ARHGEF3: variants seen among roughly 807,000 people sequenced by gnomAD.
The protein encoded by ARHGEF3 is Rho guanine nucleotide exchange factor 3.
ARHGEF3 carries 28 observed loss-of-function variants against 63.2 expected under a neutral mutation model. The observed-to-expected ratio is 0.44, with a 90% CI of 0.33 to 0.61. The LOEUF is 0.61. Ranked by LOEUF, ARHGEF3 falls within the 20% of genes least tolerant of loss-of-function variation. The pLI is 0.03. For missense variants in ARHGEF3, 533 were observed against 659.3 expected (o/e 0.81, Z 2.10); for synonymous variants, 266 against 254.2 (o/e 1.05, Z -0.44).
chr3:56,815,327 G>A (rs1012019881), intron 4 of ARHGEF3, among the ~76,000 whole-genome samples: 1 of 152,122 alleles, frequency 6.6e-6, no homozygotes, highest in African/African-American at 2.4e-5. Context: ...AGACTGAAGT[G>A]TATATGGAGT....
chr3:56,734,954 G>T (rs1431246802), intron 8 of ARHGEF3, among the ~76,000 whole-genome samples: 1 of 152,064 alleles, frequency 6.6e-6, no homozygotes, highest in African/African-American at 2.4e-5. Flanking sequence ...CAATCTTCTA[G>T]CCAAGGTGGG....
intron 2 of ARHGEF3, among the ~76,000 whole-genome samples, chr3:56,991,768 C>T (rs1701754441): frequency 6.6e-6 from 1 of 152,122 alleles, no homozygotes; most frequent in African/African-American, 2.4e-5. Context: ...GGGCATGCCA[C>T]CACGAGCAGC....
chr3:56,797,446 T>C (rs2107949948), intron 1 of ARHGEF3, among the ~76,000 whole-genome samples: 1 of 152,298 alleles, frequency 6.6e-6, no homozygotes, highest in Non-Finnish European at 1.5e-5. Context: ...TGGCTTCCCA[T>C]CCAGCAAGAT....
intron 2 of ARHGEF3, among the ~76,000 whole-genome samples, chr3:57,003,133 C>A (rs1381499656): frequency 2.6e-5 from 4 of 151,544 alleles, no homozygotes; most frequent in African/African-American, 9.7e-5. Flanking sequence ...AGGCCGGGCG[C>A]AGTGGCTCAC....
intron 2 of ARHGEF3, among the ~76,000 whole-genome samples, chr3:57,031,019 C>G (rs997710684): frequency 6.6e-6 from 1 of 152,212 alleles, no homozygotes; most frequent in African/African-American, 2.4e-5. Flanking sequence ...GGGGTTGGCC[C>G]AGGCTGATCT....
chr3:56,856,600 C>T (rs1034139661), intron 4 of ARHGEF3, among the ~76,000 whole-genome samples: 10 of 151,884 alleles, frequency 6.6e-5, no homozygotes, highest in Admixed American at 3.9e-4. Flanking sequence ...TCTCTGGGGC[C>T]CTCCCTCCTC....
At chr3:56,968,179 AAAATATATATT>A (rs1700704254) in intron 2 of ARHGEF3, among the ~76,000 whole-genome samples, 1 of 25,756 alleles carries the variant, frequency 3.9e-5, no homozygotes, top group Admixed American at 9.7e-4. Context: ...AATATATATA[AAAATATATATT>A]ATATATAATA....
chr3:57,061,618 T>C (rs1490838056), intron 1 of ARHGEF3, among the ~76,000 whole-genome samples: 1 of 152,238 alleles, frequency 6.6e-6, no homozygotes, highest in African/African-American at 2.4e-5. Context: ...AAGTATCTGT[T>C]TGGATCTCTG....
chr3:56,784,569 T>C (rs907597285), intron 1 of ARHGEF3, among the ~76,000 whole-genome samples: 5 of 152,318 alleles, frequency 3.3e-5, no homozygotes, highest in South Asian at 2.1e-4. Flanking sequence ...GTGGAATATA[T>C]GTTCTGCATT....
At chr3:56,969,949 C>CA (rs1273531110) in intron 2 of ARHGEF3, among the ~76,000 whole-genome samples, 1 of 151,984 alleles carries the variant, frequency 6.6e-6, no homozygotes, top group African/African-American at 2.4e-5. Flanking sequence ...ACAAGGGATA[C>CA]ATATTATATG....
At chr3:56,917,688 C>T (rs949805492) in intron 3 of ARHGEF3, among the ~76,000 whole-genome samples, 6 of 152,094 alleles carry the variant, frequency 3.9e-5, no homozygotes, top group African/African-American at 1.4e-4. Flanking sequence ...ACATGGGCAG[C>T]GTTCTGATGG....
chr3:56,954,020 A>C (rs1264573528), intron 3 of ARHGEF3, among the ~76,000 whole-genome samples: 1 of 152,176 alleles, frequency 6.6e-6, no homozygotes, highest in Non-Finnish European at 1.5e-5. Context: ...CTAAATATTA[A>C]AAGGTCAGGG....
chr3:56,814,033 C>T (rs1013696519), intron 4 of ARHGEF3, among the ~76,000 whole-genome samples: 2 of 152,180 alleles, frequency 1.3e-5, no homozygotes, highest in African/African-American at 4.8e-5. Context: ...CCTAGAGAAG[C>T]TTTTAATATG....
intron 3 of ARHGEF3, among the ~76,000 whole-genome samples, chr3:56,955,528 A>T (rs1010612363): frequency 6.6e-6 from 1 of 152,192 alleles, no homozygotes; most frequent in Admixed American, 6.5e-5. Context: ...TGCAAGAGGA[A>T]TGAAATTGCA....
At chr3:56,864,847 T>G (rs2040190604) in intron 4 of ARHGEF3, among the ~76,000 whole-genome samples, 1 of 152,186 alleles carries the variant, frequency 6.6e-6, no homozygotes, top group South Asian at 2.1e-4. Context: ...CTTCAGTTAT[T>G]ATATTACATA....
intron 1 of ARHGEF3, among the ~76,000 whole-genome samples, chr3:57,061,608 A>C (rs1422710940): frequency 6.6e-6 from 1 of 152,214 alleles, no homozygotes; most frequent in African/African-American, 2.4e-5. Flanking sequence ...ATGGGAATGC[A>C]AGTATCTGTT....
intron 1 of ARHGEF3, among the ~76,000 whole-genome samples, chr3:57,044,719 G>T (rs1381011554): frequency 6.6e-6 from 1 of 152,144 alleles, no homozygotes; most frequent in Non-Finnish European, 1.5e-5. Context: ...CAGTCCTCAA[G>T]GTCATATCAC....
intron 2 of ARHGEF3, among the ~76,000 whole-genome samples, chr3:57,011,078 C>T (rs1702679337): frequency 6.6e-6 from 1 of 152,156 alleles, no homozygotes; most frequent in Non-Finnish European, 1.5e-5. Context: ...TTAGTGGGAG[C>T]ACCCCTGCGT....
chr3:56,830,685 C>G (rs9843995), intron 4 of ARHGEF3, among the ~76,000 whole-genome samples: 35 of 152,310 alleles, frequency 2.3e-4, no homozygotes, highest in African/African-American at 6.3e-4. Context: ...TCTCAGCCCC[C>G]CTTTCCTGCT....
Sources: gnomAD v4.1 joint callset for allele counts (sites outside exome capture counted in the v4.1 genomes callset) on GRCh38, gnomAD v4.1.1 for gene constraint, MANE v1.5 for transcripts, NCBI Gene and HGNC (gene_info 2026-07-23, HGNC 2026-07-21) for gene names.